OXR1: variants seen among roughly 807,000 people sequenced by gnomAD.
OXR1 encodes oxidation resistance 1.
OXR1 carries 41 observed loss-of-function variants against 104.6 expected under a neutral mutation model. The ratio of observed to expected loss-of-function variants is 0.39; its 90% CI spans 0.31 to 0.51. OXR1 has a LOEUF of 0.51. Ranked by LOEUF, OXR1 falls within the 20% of genes least tolerant of loss-of-function variation. OXR1 has a pLI of 0.77. For missense variants in OXR1, 955 were observed against 1,031.9 expected (o/e 0.93, Z 1.02); for synonymous variants, 348 against 348.4 (o/e 1.00, Z 0.01).
intron 2 of OXR1, among the ~76,000 whole-genome samples, chr8:106,451,517 T>A (rs1177362296): frequency 6.6e-6 from 1 of 152,220 alleles, no homozygotes; most frequent in African/African-American, 2.4e-5. Flanking sequence ...CCAGTTCAGT[T>A]TCAATTTATA....
intron 1 of OXR1, among the ~76,000 whole-genome samples, chr8:106,293,522 T>A (rs1812844433): frequency 6.6e-6 from 1 of 152,220 alleles, no homozygotes; most frequent in Admixed American, 6.5e-5. Context: ...TAACATACTT[T>A]GTGGAGCAAT....
At chr8:106,371,978 A>G (rs917638000) in intron 2 of OXR1, among the ~76,000 whole-genome samples, 1 of 152,218 alleles carries the variant, frequency 6.6e-6, no homozygotes, top group Non-Finnish European at 1.5e-5. Flanking sequence ...TGCGAGTCCC[A>G]GTGCTGACTG....
chr8:106,315,366 T>G (rs1165510409), intron 1 of OXR1, among the ~76,000 whole-genome samples: 2 of 152,198 alleles, frequency 1.3e-5, no homozygotes, highest in Admixed American at 6.5e-5. Context: ...TTTAAAATTT[T>G]TATTTGTCAT....
intron 3 of OXR1, among the ~76,000 whole-genome samples, chr8:106,578,739 G>T (rs1818025260): frequency 6.6e-6 from 1 of 152,150 alleles, no homozygotes; most frequent in Non-Finnish European, 1.5e-5. Context: ...TTAATTTCTA[G>T]TCCACTTGCA....
chr8:106,619,423 C>A (rs2130836725), intron 3 of OXR1, among the ~76,000 whole-genome samples: 1 of 152,110 alleles, frequency 6.6e-6, no homozygotes, highest in African/African-American at 2.4e-5. Flanking sequence ...CAGTTCAGCA[C>A]ACAGATACTG....
chr8:106,604,240 A>G (rs1434109454), intron 3 of OXR1, among the ~76,000 whole-genome samples: 1 of 152,204 alleles, frequency 6.6e-6, no homozygotes, highest in Non-Finnish European at 1.5e-5. Context: ...ACACCTTTTA[A>G]AAATGTGTCA....
chr8:106,498,175 T>C (rs1811539409), intron 2 of OXR1, among the ~76,000 whole-genome samples: 1 of 152,170 alleles, frequency 6.6e-6, no homozygotes, highest in Non-Finnish European at 1.5e-5. Context: ...TTTCACAATA[T>C]TGTAGTAAAA....
chr8:106,479,284 CA>C (rs1414168744), intron 2 of OXR1, among the ~76,000 whole-genome samples: 2 of 151,912 alleles, frequency 1.3e-5, no homozygotes, highest in South Asian at 2.1e-4. Context: ...AAATTAGTAC[CA>C]ACCTAATGCT....
At chr8:106,500,506 T>C (rs1190225569) in intron 2 of OXR1, among the ~76,000 whole-genome samples, 1 of 152,158 alleles carries the variant, frequency 6.6e-6, no homozygotes, top group Non-Finnish European at 1.5e-5. Context: ...TCATGTAAAA[T>C]CTTTAGTGTT....
intron 3 of OXR1, among the ~76,000 whole-genome samples, chr8:106,533,868 C>T (rs910800342): frequency 5.3e-5 from 8 of 151,902 alleles, no homozygotes; most frequent in Non-Finnish European, 8.8e-5. Context: ...TGTGCCACCA[C>T]GCCTGACTAA....
chr8:106,551,552 A>C (rs765102191), intron 3 of OXR1, among the ~76,000 whole-genome samples: 2 of 152,028 alleles, frequency 1.3e-5, no homozygotes, highest in Non-Finnish European at 1.5e-5. Flanking sequence ...GGCAAGTCTT[A>C]GTTTAATATC....
rs767326305 is a variant in OXR1 at position 106,742,203 on chromosome 8, A to T, written c.2317-19A>T. 25 of 1,364,038 alleles carry T rather than the reference A, an allele frequency of 1.8e-5. No individual in the cohort carries two copies. The highest frequency in any genetic ancestry group is 2.6e-5 in the Non-Finnish European group (25 of 953,126). 84.5% of individuals were successfully genotyped at this position (1,364,038 alleles called of 1,614,324 possible). On this transcript the variant is annotated intron_variant, in intron 14 of 16. Coordinates refer to ENST00000517566, the MANE Select transcript of OXR1 (RefSeq NM_001198533.2). ...AAATTTGTTAGTCGTGTCATTGAAT[A>T]TGCCTTTTTTATCCTTAGGTTTTTG...
intron 2 of OXR1, among the ~76,000 whole-genome samples, chr8:106,428,458 A>G (rs1225654649): frequency 6.6e-6 from 1 of 152,130 alleles, no homozygotes; most frequent in African/African-American, 2.4e-5. Context: ...TCCCTCAGCA[A>G]CTTCTGTTGT....
intron 2 of OXR1, among the ~76,000 whole-genome samples, chr8:106,473,038 G>A (rs1484987548): frequency 4.0e-5 from 6 of 151,802 alleles, no homozygotes; most frequent in African/African-American, 7.3e-5. Context: ...GCCTTTCACT[G>A]CCTTTCAGTT....
chr8:106,276,785 G>A (rs10955418), intron 1 of OXR1, among the ~76,000 whole-genome samples: 6,483 of 150,114 alleles, frequency 0.043, 348 homozygotes, highest in African/African-American at 0.12. Flanking sequence ...TAACTGATGG[G>A]TCTCTAATTA....
At chr8:106,447,281 CTGATT>C (rs1820050210) in intron 2 of OXR1, among the ~76,000 whole-genome samples, 1 of 152,096 alleles carries the variant, frequency 6.6e-6, no homozygotes, top group Non-Finnish European at 1.5e-5. Context: ...TCTACTTTAT[CTGATT>C]TTTCTTTTAA....
intron 2 of OXR1, among the ~76,000 whole-genome samples, chr8:106,360,746 GT>G (rs1191424086): frequency 1.4e-4 from 21 of 152,110 alleles, no homozygotes; most frequent in African/African-American, 4.8e-4. Flanking sequence ...AAAATTAAAA[GT>G]TTTTAAAAAT....
At chr8:106,420,488 A>T (rs1035480531) in intron 2 of OXR1, among the ~76,000 whole-genome samples, 15 of 151,996 alleles carry the variant, frequency 9.9e-5, no homozygotes, top group Admixed American at 9.8e-4. Flanking sequence ...GCTTTAAAAC[A>T]TTGCTATATG....
intron 2 of OXR1, among the ~76,000 whole-genome samples, chr8:106,439,121 G>A (rs548083962): frequency 4.6e-5 from 7 of 152,070 alleles, no homozygotes; most frequent in East Asian, 3.9e-4. Context: ...GAATTTCTGC[G>A]TCTCTTTAAA....
Sources: gnomAD v4.1 joint callset for allele counts (sites outside exome capture counted in the v4.1 genomes callset) on GRCh38, gnomAD v4.1.1 for gene constraint, MANE v1.5 for transcripts, NCBI Gene and HGNC (gene_info 2026-07-23, HGNC 2026-07-21) for gene names.